The following CTIF variants were observed in gnomAD, a reference collection of about 807,000 sequenced individuals.
The protein encoded by CTIF is CBP80/20-dependent translation initiation factor.
Under a neutral mutation model 66.0 loss-of-function variants are expected in CTIF, and 21 were observed. That is an observed-to-expected ratio of 0.32 (90% CI 0.23 to 0.46). The LOEUF (loss-of-function observed/expected upper bound fraction) is 0.46, where lower values mean the gene tolerates loss of function less well. Ranked by LOEUF, CTIF falls within the 20% of genes least tolerant of loss-of-function variation. CTIF has a pLI of 1.00. For missense variants in CTIF, 739 were observed against 812.7 expected (o/e 0.91, Z 1.10); for synonymous variants, 345 against 326.4 (o/e 1.06, Z -0.62).
chr18:48,770,156 C>T (rs900916540), intron 9 of CTIF, among the ~76,000 whole-genome samples: 1 of 152,214 alleles, frequency 6.6e-6, no homozygotes, highest in Non-Finnish European at 1.5e-5. Flanking sequence ...CTCAGCCAGT[C>T]CTGGAAAGTG....
At chr18:48,616,012 T>A (rs1044584198) in intron 1 of CTIF, among the ~76,000 whole-genome samples, 1 of 152,150 alleles carries the variant, frequency 6.6e-6, no homozygotes, top group Non-Finnish European at 1.5e-5. Context: ...CCAGGCTCCC[T>A]CATGGGACCC....
chr18:48,594,400 T>G (rs1421944366), intron 1 of CTIF, among the ~76,000 whole-genome samples: 1 of 149,734 alleles, frequency 6.7e-6, no homozygotes, highest in Non-Finnish European at 1.5e-5. Flanking sequence ...CCACAGTTGT[T>G]GAAGCATGGA....
At chr18:48,556,941 G>A (rs141358608) in intron 1 of CTIF, among the ~76,000 whole-genome samples, 1 of 152,200 alleles carries the variant, frequency 6.6e-6, no homozygotes, top group African/African-American at 2.4e-5. Context: ...TGGCATAACA[G>A]TGTCTACTTC....
chr18:48,661,003 C>CT (rs2091334413), intron 3 of CTIF, among the ~76,000 whole-genome samples: 1 of 152,218 alleles, frequency 6.6e-6, no homozygotes, highest in South Asian at 2.1e-4. Flanking sequence ...TTGATTCAGT[C>CT]TTTCAGCCAC....
intron 10 of CTIF, among the ~76,000 whole-genome samples, chr18:48,824,975 C>T (rs2068554642): frequency 6.6e-6 from 1 of 152,140 alleles, no homozygotes; most frequent in Admixed American, 6.5e-5. Context: ...TTCCATGCGC[C>T]TGTTTTCCTC....
At chr18:48,852,778 T>C (rs901005133) in intron 10 of CTIF, among the ~76,000 whole-genome samples, 12 of 152,254 alleles carry the variant, frequency 7.9e-5, no homozygotes, top group African/African-American at 2.4e-4. Context: ...TGTGTGGTTA[T>C]ATGTGTGGGA....
intron 9 of CTIF, among the ~76,000 whole-genome samples, chr18:48,792,365 A>G (rs1366151454): frequency 6.6e-6 from 1 of 152,196 alleles, no homozygotes; most frequent in Admixed American, 6.5e-5. Context: ...TAGGCTCACA[A>G]GGACGAGATT....
chr18:48,592,510 A>G (rs2089907728), intron 1 of CTIF, among the ~76,000 whole-genome samples: 1 of 150,054 alleles, frequency 6.7e-6, no homozygotes, highest in African/African-American at 2.5e-5. Context: ...AAAAAAAAAA[A>G]AAAGAAAAAG....
At chr18:48,790,620 G>A (rs1460897899) in intron 9 of CTIF, among the ~76,000 whole-genome samples, 3 of 152,228 alleles carry the variant, frequency 2.0e-5, no homozygotes, top group Non-Finnish European at 2.9e-5. Flanking sequence ...CGGCCTCAAC[G>A]GCCAGAGGCT....
At chr18:48,694,409 G>A (rs1436432831) in intron 6 of CTIF, among the ~76,000 whole-genome samples, 3 of 152,196 alleles carry the variant, frequency 2.0e-5, no homozygotes, top group Non-Finnish European at 4.4e-5. Context: ...AGGATGGCCA[G>A]GAAGCGCCTA....
intron 10 of CTIF, among the ~76,000 whole-genome samples, chr18:48,838,814 G>A (rs114887150): frequency 2.1e-3 from 313 of 152,326 alleles, no homozygotes; most frequent in African/African-American, 7.3e-3. Flanking sequence ...CCTGAAGCCT[G>A]TGTTGGTCAC....
At chr18:48,554,714 A>G (rs931136484) in intron 1 of CTIF, among the ~76,000 whole-genome samples, 7 of 152,178 alleles carry the variant, frequency 4.6e-5, no homozygotes, top group East Asian at 1.9e-4. Context: ...TCTCCTTCCC[A>G]CTTCAATCTA....
intron 1 of CTIF, among the ~76,000 whole-genome samples, chr18:48,562,401 C>G (rs1490891966): frequency 6.6e-6 from 1 of 152,210 alleles, no homozygotes; most frequent in East Asian, 1.9e-4. Context: ...GCCTTCTTAT[C>G]CACTGGGCCA....
chr18:48,860,248 G>T lies in CTIF; in HGVS notation c.*689G>T. ...TTTGCAGTTCCACTTGCACTCTTTT[G>T]TTTATTGTGTTTTATTTTTCAAAAG... On this transcript the variant is annotated 3_prime_UTR_variant, in exon 12 of 12. Transcript: ENST00000256413. 3.2e-6 allele frequency: 1 copy of T among 312,286 alleles called. No individual in the cohort carries two copies. The highest frequency in any genetic ancestry group is 2.9e-5 in the South Asian group (1 of 34,556). 19.3% of individuals were successfully genotyped at this position (312,286 alleles called of 1,614,324 possible).
intron 10 of CTIF, 99 bp from the exon 11 acceptor site, chr18:48,857,489 A>G: frequency 2.9e-6 from 3 of 1,025,478 alleles, no homozygotes; most frequent in Non-Finnish European, 4.3e-6. Flanking sequence ...AGGCCGCATC[A>G]GGGCTGGGGC....
chr18:48,785,493 GC>G (rs924999892), intron 9 of CTIF, among the ~76,000 whole-genome samples: 1 of 152,196 alleles, frequency 6.6e-6, no homozygotes, highest in African/African-American at 2.4e-5. Flanking sequence ...ACAGAAACCT[GC>G]CCCCTGCCTA....
intron 9 of CTIF, among the ~76,000 whole-genome samples, chr18:48,814,562 T>A (rs1024775159): frequency 6.6e-6 from 1 of 152,222 alleles, no homozygotes; most frequent in Non-Finnish European, 1.5e-5. Context: ...ATGAGAATGG[T>A]AATGCCCACT....
chr18:48,742,209 C>T (rs2092560648), intron 7 of CTIF, among the ~76,000 whole-genome samples: 2 of 152,210 alleles, frequency 1.3e-5, no homozygotes, highest in African/African-American at 2.4e-5. Context: ...AACACACGAG[C>T]TCCTCAAGAA....
chr18:48,696,431 G>A (rs1294836437), intron 6 of CTIF, among the ~76,000 whole-genome samples: 1 of 152,162 alleles, frequency 6.6e-6, no homozygotes, highest in African/African-American at 2.4e-5. Context: ...ATCGCAGGGT[G>A]GAACTCCTGG....
Sources: allele counts gnomAD v4.1 joint callset (sites outside exome capture counted in the v4.1 genomes callset), GRCh38; gene constraint gnomAD v4.1.1; transcripts MANE v1.5; gene names NCBI Gene and HGNC (gene_info 2026-07-23, HGNC 2026-07-21).